OLFM1: variants seen among roughly 807,000 people sequenced by gnomAD.
OLFM1 encodes olfactomedin 1.
A neutral mutation model predicts 49.7 loss-of-function variants in OLFM1; 9 were observed. The ratio of observed to expected loss-of-function variants is 0.18; its 90% CI spans 0.11 to 0.32. The LOEUF (loss-of-function observed/expected upper bound fraction) is 0.32. Ranked by LOEUF, OLFM1 falls within the 10% of genes least tolerant of loss-of-function variation. OLFM1 has a pLI of 1.00. For missense variants in OLFM1, 369 were observed against 661.8 expected, an observed-to-expected ratio of 0.56 and a Z score of 4.85; for synonymous variants, 240 against 271.8, an observed-to-expected ratio of 0.88 and a Z score of 1.15.
upstream of OLFM1, chr9:135,086,791 G>A: frequency 2.2e-6 from 1 of 447,102 alleles, no homozygotes; most frequent in South Asian, 1.6e-5. Context: ...CCCTGCCTCT[G>A]TGCCTGGGCG....
intron 4 of OLFM1, among the ~76,000 whole-genome samples, chr9:135,100,299 C>G (rs1269769049): frequency 6.6e-6 from 1 of 152,320 alleles, no homozygotes; most frequent in Admixed American, 6.5e-5. Context: ...GATGAGCTGG[C>G]CTTCCCATCT....
Position 135,094,757 on chromosome 9 carries a change from G to A in OLFM1, c.301-1107G>A, listed in dbSNP as rs1312948451. Reference sequence around the variant, plus strand: ...TTTTACTTTATTTGGCGGGGTGGAGGATGTATAGTAAGAAGTAGAAACCAC... The same window carrying A: ...TTTTACTTTATTTGGCGGGGTGGAGAATGTATAGTAAGAAGTAGAAACCAC... On this transcript the variant is annotated intron_variant, in intron 2 of 5. Transcript: ENST00000371793. Among the ~76,000 whole-genome samples, 5 of 152,172 alleles carry A rather than the reference G, an allele frequency of 3.3e-5. No homozygotes were observed. In the East Asian group the frequency reaches 9.6e-4, roughly 29 times the overall value.
At chr9:135,101,257 A>G (rs1564275187) in intron 4 of OLFM1, among the ~76,000 whole-genome samples, 1 of 150,626 alleles carries the variant, frequency 6.6e-6, no homozygotes, top group African/African-American at 2.4e-5. Context: ...CCTGTCCCGG[A>G]CCCCGCAGTT....
At chr9:135,112,960 C>T (rs900868242) in intron 5 of OLFM1, among the ~76,000 whole-genome samples, 1 of 152,116 alleles carries the variant, frequency 6.6e-6, no homozygotes, top group African/African-American at 2.4e-5. Flanking sequence ...AGATGGAAGC[C>T]ACTTTGTGGC....
intron 4 of OLFM1, among the ~76,000 whole-genome samples, chr9:135,100,050 A>G (rs879707630): frequency 6.6e-6 from 1 of 152,086 alleles, no homozygotes; most frequent in Admixed American, 6.5e-5. Context: ...ACTCCCACTT[A>G]TGGGGTCTCC....
chr9:135,104,847 C>T (rs1449338217), intron 4 of OLFM1, among the ~76,000 whole-genome samples: 1 of 152,232 alleles, frequency 6.6e-6, no homozygotes, highest in Non-Finnish European at 1.5e-5. Context: ...AGTGAAGCCG[C>T]CCTGAGCTCC....
upstream of OLFM1, among the ~76,000 whole-genome samples, chr9:135,083,063 A>C (rs911826569): frequency 4.6e-5 from 7 of 152,146 alleles, no homozygotes; most frequent in African/African-American, 1.7e-4. Flanking sequence ...GTCACCTTTG[A>C]ATTCATGTCA....
At chr9:135,084,321 CTT>C (rs1489080012), upstream of OLFM1, among the ~76,000 whole-genome samples, 3 of 148,220 alleles carry the variant, frequency 2.0e-5, no homozygotes, top group South Asian at 2.1e-4. The surrounding 1 kb of genome is among the most constrained non-coding windows in gnomAD (Gnocchi z 4.6). Context: ...CTCTCTCTCT[CTT>C]CTCTCTCTGT....
At chr9:135,116,833 G>C (rs1417152275) in intron 5 of OLFM1, among the ~76,000 whole-genome samples, 1 of 151,084 alleles carries the variant, frequency 6.6e-6, no homozygotes, top group Non-Finnish European at 1.5e-5. Context: ...TTGAGGTTTG[G>C]TCTGTGGGAG....
chr9:135,091,687 T>TCA (rs796114896), intron 2 of OLFM1, among the ~76,000 whole-genome samples: 9 of 1,438 alleles, frequency 6.3e-3, no homozygotes, highest in South Asian at 0.033. Context: ...ACACATAGTC[T>TCA]CACACACACA....
intron 3 of OLFM1, chr9:135,097,730 G>C: frequency 6.9e-7 from 1 of 1,459,568 alleles, no homozygotes; most frequent in South Asian, 1.1e-5. Flanking sequence ...GTCTGTTTCA[G>C]GCAGGCTAGT....
chr9:135,084,447 C>CT, upstream of OLFM1, among the ~76,000 whole-genome samples: 1 of 36,788 alleles, frequency 2.7e-5, no homozygotes, highest in East Asian at 3.5e-4. The surrounding 1 kb of genome is among the most constrained non-coding windows in gnomAD (Gnocchi z 4.6). Flanking sequence ...TCTATTATCT[C>CT]TCCTCTCTGT....
In OLFM1 at chr9:135,105,026, C is replaced by T. The variant is rs73664051; in HGVS notation, c.677-1723C>T. Reference sequence around the variant, plus strand: ...TCCATCCCTTTCTTCTGCTGCTTCTCCTCCCACAGATGGGGAGCATGGCCT... The same window carrying T: ...TCCATCCCTTTCTTCTGCTGCTTCTTCTCCCACAGATGGGGAGCATGGCCT... On this transcript the variant is annotated intron_variant, in intron 4 of 5. Transcript: ENST00000371793. 6.2e-3 allele frequency among the ~76,000 whole-genome samples: 948 copies of T among 152,320 alleles called. 11 individuals carry two copies. Among genetic ancestry groups the T allele is most frequent in the African/African-American group, 0.022 (911 of 41,558 alleles).
At chr9:135,087,202 T>C, upstream of OLFM1, 2 of 1,392,596 alleles carry the variant, frequency 1.4e-6, no homozygotes, top group Non-Finnish European at 1.9e-6. Flanking sequence ...TGGCTGCTTT[T>C]CGGAGCCTGC....
chr9:135,087,112 C>G (rs1255040573), upstream of OLFM1: 3 of 870,236 alleles, frequency 3.4e-6, no homozygotes, highest in Non-Finnish European at 3.3e-6. Context: ...GGCACCGCGG[C>G]TGCCCTGGGA....
Position 135,081,847 on chromosome 9 carries a change from C to T in OLFM1, c.96+6045C>T, listed in dbSNP as rs79642474. ...CCTCTCAGTGAGGCTCTAAACTGCCCGACACGTGCACCCGACACGCCTGCG... is the reference window on the plus strand; with the variant it reads ...CCTCTCAGTGAGGCTCTAAACTGCCTGACACGTGCACCCGACACGCCTGCG... On this transcript the variant is annotated intron_variant, in intron 1 of 5. Transcript: ENST00000252854. Among the ~76,000 whole-genome samples, 661 of 152,220 alleles carry T rather than the reference C, an allele frequency of 4.3e-3. 6 individuals are homozygous for T. The highest frequency in any genetic ancestry group is 0.015 in the African/African-American group (623 of 41,522).
At chr9:135,082,293 C>G (rs1302079170) in intron 1 of OLFM1, among the ~76,000 whole-genome samples, 1 of 152,102 alleles carries the variant, frequency 6.6e-6, no homozygotes, top group Non-Finnish European at 1.5e-5. Flanking sequence ...CGCTTTGGGC[C>G]GTCCCTAAAG....
At chr9:135,097,507 C>T (rs1377607626) in intron 3 of OLFM1, among the ~76,000 whole-genome samples, 1 of 152,202 alleles carries the variant, frequency 6.6e-6, no homozygotes, top group Non-Finnish European at 1.5e-5. Flanking sequence ...TTGACACAGG[C>T]ATCTCTCCGA....
rs1554753300 is a variant in OLFM1, at chr9:135,095,530, A to AGAGAG, written c.301-334_301-333insGAGAG. 1.6e-3 allele frequency among the ~76,000 whole-genome samples: 219 copies of AGAGAG among 137,270 alleles called. No individual in the cohort carries two copies. The Middle Eastern group carries it at 0.018, about 11-fold the overall frequency. The allele number at this position is 137,270 out of a possible 152,430, so 90.1% of individuals were successfully genotyped here. A position where few individuals can be genotyped will look rare whatever the true frequency, so the allele number is the denominator to read the frequency against. On this transcript the variant is annotated intron_variant, in intron 2 of 5. Transcript: ENST00000371793. ...CCACCACTACCAAAAAAAAAAAAAA[A>AGAGAG]AGAGAGAGAGAGAGATCAAGAGAAA...
Sources: gnomAD v4.1 joint callset for allele counts (sites outside exome capture counted in the v4.1 genomes callset) on GRCh38, gnomAD v4.1.1 for gene constraint, Gnocchi (gnomAD v3.1) non-coding constraint, MANE v1.5 for transcripts, NCBI Gene and HGNC (gene_info 2026-07-23, HGNC 2026-07-21) for gene names.